Variants in RBMS3 observed in about 807,000 individuals in gnomAD.
RBMS3 encodes RNA-binding motif, single-stranded-interacting protein 3.
RBMS3 carries 27 observed loss-of-function variants against 66.8 expected under a neutral mutation model. The observed-to-expected ratio is 0.40, with a 90% confidence interval of 0.30 to 0.56. RBMS3 has a LOEUF of 0.56. RBMS3 is among the 20% of genes least tolerant of loss of function. The pLI is 0.40. For synonymous variants in RBMS3, 188 were observed against 183.0 expected (o/e 1.03, Z -0.22); for missense variants, 513 against 549.5 (o/e 0.93, Z 0.66).
At chr3:29,407,390 C>T (rs904810377) in intron 1 of RBMS3, among the ~76,000 whole-genome samples, 1 of 152,132 alleles carries the variant, frequency 6.6e-6, no homozygotes, top group Non-Finnish European at 1.5e-5. Flanking sequence ...TCAGAGTCCC[C>T]ATTTCTTACC....
chr3:29,907,997 C>T (rs1052731931), intron 10 of RBMS3, among the ~76,000 whole-genome samples: 106 of 151,956 alleles, frequency 7.0e-4, no homozygotes, highest in African/African-American at 2.3e-3. Flanking sequence ...CCTGTAACCC[C>T]AGCACTTGGA....
At chr3:29,362,303 T>C (rs2037646314) in intron 1 of RBMS3, among the ~76,000 whole-genome samples, 1 of 151,850 alleles carries the variant, frequency 6.6e-6, no homozygotes, top group African/African-American at 2.4e-5. Flanking sequence ...TGGAGTTTCC[T>C]GGAGGTCCAC....
At chr3:29,702,488 C>T (rs1000754903) in intron 4 of RBMS3, among the ~76,000 whole-genome samples, 4 of 152,206 alleles carry the variant, frequency 2.6e-5, no homozygotes, top group Admixed American at 6.5e-5. Context: ...CGCCGGGGTC[C>T]TCTTTCACTC....
At chr3:29,782,126 A>C (rs533486009) in intron 6 of RBMS3, among the ~76,000 whole-genome samples, 2 of 152,102 alleles carry the variant, frequency 1.3e-5, no homozygotes, top group Non-Finnish European at 2.9e-5. Context: ...GAGAAGCCTG[A>C]ATACTTAACC....
At chr3:29,942,235 A>C (rs2061409070) in intron 11 of RBMS3, among the ~76,000 whole-genome samples, 3 of 151,698 alleles carry the variant, frequency 2.0e-5, no homozygotes. Context: ...AAATGGAAGT[A>C]AGGCAGGCTG....
At chr3:29,574,000 G>T (rs1166663917) in intron 3 of RBMS3, among the ~76,000 whole-genome samples, 2 of 152,186 alleles carry the variant, frequency 1.3e-5, no homozygotes, top group African/African-American at 4.8e-5. Flanking sequence ...CCTAGAGAAT[G>T]ATCCACATGA....
intron 1 of RBMS3, among the ~76,000 whole-genome samples, chr3:29,364,411 G>T (rs921910089): frequency 1.3e-5 from 2 of 152,198 alleles, no homozygotes; most frequent in East Asian, 3.9e-4. Flanking sequence ...GCTTCCAGGG[G>T]TTTTATCATA....
Position 29,991,128 on chromosome 3 carries a change from A to G in RBMS3, c.1226A>G (p.Gln409Arg). 1 of 1,614,178 alleles carries G rather than the reference A, an allele frequency of 6.2e-7. No homozygotes were observed. ...CCCCAGACAGTGGCACCTTCATCCCAGGACACCAGTGGTCAGCAGCAACAG... is the reference window on the plus strand; with the variant it reads ...CCCCAGACAGTGGCACCTTCATCCCGGGACACCAGTGGTCAGCAGCAACAG... ...TSPQTVAPSS[Q>R]DTSGQQQQIA... is the part of the protein sequence containing the mutation. Residue 409 changes from glutamine to arginine, a missense_variant, in exon 14 of 15, where the codon CAG becomes CGG. By Grantham distance (43) the Gln-to-Arg change is conservative. Coordinates refer to ENST00000383767, the MANE Select transcript of RBMS3 (RefSeq NM_001003793.3).
At chr3:29,721,449 C>T (rs1441466730) in intron 4 of RBMS3, among the ~76,000 whole-genome samples, 1 of 152,092 alleles carries the variant, frequency 6.6e-6, no homozygotes, top group Non-Finnish European at 1.5e-5. Flanking sequence ...ATGACAGATT[C>T]TTTCACAGGT....
chr3:29,784,477 T>C (rs2056750279), intron 6 of RBMS3, among the ~76,000 whole-genome samples: 1 of 152,050 alleles, frequency 6.6e-6, no homozygotes, highest in Non-Finnish European at 1.5e-5. Context: ...TTAAAAATTC[T>C]TTGAACTGAA....
At chr3:29,935,458 T>C (rs1007683983) in intron 10 of RBMS3, among the ~76,000 whole-genome samples, 7 of 152,124 alleles carry the variant, frequency 4.6e-5, no homozygotes, top group Non-Finnish European at 7.4e-5. Context: ...CAGAGTTTGG[T>C]ATTCTGTCTT....
chr3:29,890,655 C>CATAT (rs2059979199), intron 8 of RBMS3, among the ~76,000 whole-genome samples: 1 of 151,444 alleles, frequency 6.6e-6, no homozygotes, highest in African/African-American at 2.4e-5. Context: ...GAACAATGGA[C>CATAT]ATATATACAA....
At chr3:29,371,059 T>C (rs1226515532) in intron 1 of RBMS3, among the ~76,000 whole-genome samples, 1 of 152,246 alleles carries the variant, frequency 6.6e-6, no homozygotes, top group Non-Finnish European at 1.5e-5. Context: ...GTTTGCTCCG[T>C]GCTCTAGCAA....
intron 1 of RBMS3, among the ~76,000 whole-genome samples, chr3:29,286,730 A>G (rs2032373042): frequency 6.6e-6 from 1 of 152,126 alleles, no homozygotes; most frequent in Admixed American, 6.6e-5. Context: ...TTTTTGCACT[A>G]GTATGATTTT....
chr3:29,469,310 G>A lies in RBMS3; in HGVS notation c.249-19131G>A, dbSNP rs113490604. On this transcript the variant is annotated intron_variant, in intron 2 of 14. Coordinates refer to ENST00000383767, the MANE Select transcript of RBMS3 (RefSeq NM_001003793.3). ...TGGTAAGACAACTACTTTGGGAAAT[G>A]TGTTCTGCATGCTTCAATGATCCCA... Among the ~76,000 whole-genome samples, 1,507 of 152,156 alleles carry A rather than the reference G, an allele frequency of 9.9e-3. 13 individuals are homozygous for A. The highest frequency in any genetic ancestry group is 0.02 in the East Asian group (102 of 5,180).
intron 4 of RBMS3, among the ~76,000 whole-genome samples, chr3:29,602,380 A>G (rs72856457): frequency 0.014 from 2,160 of 152,128 alleles, 45 homozygotes; most frequent in African/African-American, 0.049. Context: ...ATGGCTGATA[A>G]CGTCCAGGAA....
chr3:29,430,185 C>T (rs2041125314), intron 1 of RBMS3, among the ~76,000 whole-genome samples: 1 of 151,986 alleles, frequency 6.6e-6, no homozygotes, highest in African/African-American at 2.4e-5. Context: ...ATGCTGACCG[C>T]TACCTGAATC....
chr3:30,003,223 A>G (rs1477599699), intron 14 of RBMS3, among the ~76,000 whole-genome samples: 1 of 152,036 alleles, frequency 6.6e-6, no homozygotes, highest in Non-Finnish European at 1.5e-5. Context: ...TCTTTATTTG[A>G]CATGAGCTAA....
chr3:29,308,343 G>A (rs575980520), intron 1 of RBMS3, among the ~76,000 whole-genome samples: 5 of 151,800 alleles, frequency 3.3e-5, no homozygotes, highest in Non-Finnish European at 5.9e-5. Context: ...ACTCTGTTAG[G>A]TTGAAAGTGT....
Sources: gnomAD v4.1 joint callset for allele counts (sites outside exome capture counted in the v4.1 genomes callset) on GRCh38, gnomAD v4.1.1 for gene constraint, MANE v1.5 for transcripts, NCBI Gene and HGNC (gene_info 2026-07-23, HGNC 2026-07-21) for gene names.